The following CIROP variants were observed in gnomAD, a reference collection of about 807,000 sequenced individuals.
CIROP encodes ciliated left-right organizer metallopeptidase, also known as leishmanolysin homolog.
chr14:23,103,431 G>A, the CIROP span: 6 of 451,040 alleles, frequency 1.3e-5, no homozygotes, highest in Non-Finnish European at 2.4e-5. Context: ...GTGCATGCCT[G>A]TAATCCTAGC....
chr14:23,101,591 GTGTT>G, the CIROP span: 122 of 700,652 alleles, frequency 1.7e-4, 2 homozygotes, highest in South Asian at 1.6e-3. Context: ...AAGTAGAATA[GTGTT>G]TGTTCTGATG....
At chr14:23,104,766 G>C in the CIROP span, 1 of 703,048 alleles carries the variant, frequency 1.4e-6, no homozygotes, top group South Asian at 1.5e-5. Context: ...GCTAGGGAGG[G>C]TGAGGGAGGA....
the CIROP span, chr14:23,103,078 G>T: frequency 2.1e-6 from 1 of 477,804 alleles, no homozygotes; most frequent in Non-Finnish European, 3.7e-6. Flanking sequence ...ACAGGGTAGG[G>T]CCAGAAAGGA....
the CIROP span, chr14:23,102,624 T>C: frequency 8.5e-6 from 6 of 703,032 alleles, no homozygotes; most frequent in African/African-American, 8.7e-5. Context: ...ATTCCTCTCA[T>C]TTACCACTGA....
chr14:23,099,556 C>CT, the CIROP span: 2 of 337,886 alleles, frequency 5.9e-6, no homozygotes, highest in Non-Finnish European at 5.3e-6. Context: ...AGCGGCATTA[C>CT]CTTTTTTTTT....
chr14:23,100,597 T>G, the CIROP span: 1 of 402,312 alleles, frequency 2.5e-6, no homozygotes, highest in Non-Finnish European at 4.4e-6. Flanking sequence ...GTGTAGCAAC[T>G]GAAGGCCCTT....
chr14:23,102,184 G>A, the CIROP span: 2 of 703,020 alleles, frequency 2.8e-6, no homozygotes, highest in South Asian at 1.5e-5. Context: ...GTCGAGTCGA[G>A]TGCGCTGGGC....
chr14:23,102,508 G>A, the CIROP span: 2 of 699,226 alleles, frequency 2.9e-6, no homozygotes, highest in African/African-American at 1.7e-5. Context: ...AGGGAAGAAG[G>A]CAGTACGAGG....
At chr14:23,101,926 A>G in the CIROP span, 2 of 701,568 alleles carry the variant, frequency 2.9e-6, no homozygotes, top group African/African-American at 3.5e-5. Context: ...TTGACAGATG[A>G]GAAGGAAAGA....
chr14:23,102,416 T>C, the CIROP span: 2 of 702,968 alleles, frequency 2.8e-6, no homozygotes, highest in Admixed American at 2.0e-5. Context: ...GGCTAACAGC[T>C]GGGGTGGTGA....
the CIROP span, chr14:23,102,144 T>C: frequency 2.8e-6 from 2 of 702,876 alleles, no homozygotes; most frequent in South Asian, 1.5e-5. Context: ...GGTACCAGCC[T>C]GAGTCTTTGA....
the CIROP span, chr14:23,103,587 C>CAAAACAAAAT: frequency 3.2e-6 from 2 of 630,262 alleles, no homozygotes; most frequent in Non-Finnish European, 5.7e-6. Flanking sequence ...CAAAACAAAA[C>CAAAACAAAAT]AAAACTGCTT....
At chr14:23,101,800 C>T in the CIROP span, 1 of 702,758 alleles carries the variant, frequency 1.4e-6, no homozygotes, top group South Asian at 1.5e-5. Context: ...ACACTAGAAT[C>T]ACTGGCAGCC....
At chr14:23,101,888 C>T in the CIROP span, 2 of 702,444 alleles carry the variant, frequency 2.8e-6, no homozygotes, top group Non-Finnish European at 5.2e-6. Flanking sequence ...CATGTGGTCA[C>T]CAAGCCAAAT....
At chr14:23,100,496 T>G in the CIROP span, 5 of 413,344 alleles carry the variant, frequency 1.2e-5, no homozygotes, top group Middle Eastern at 6.2e-4. Flanking sequence ...ACTTGGAATA[T>G]CTTACTTGCT....
At chr14:23,099,226 A>C in the CIROP span, 1 of 413,212 alleles carries the variant, frequency 2.4e-6, no homozygotes, top group African/African-American at 2.1e-5. Context: ...TTTTCCATCC[A>C]GTTGTCTCAC....
At chr14:23,104,920 T>C in the CIROP span, 1 of 678,624 alleles carries the variant, frequency 1.5e-6, no homozygotes, top group Non-Finnish European at 2.7e-6. Flanking sequence ...AGCAGCAGCA[T>C]CTCCCTTCTG....
the CIROP span, chr14:23,102,591 G>T: frequency 1.4e-6 from 1 of 702,928 alleles, no homozygotes; most frequent in Non-Finnish European, 2.6e-6. Context: ...TCCTCTGGTT[G>T]ATGGTGGAAA....
At chr14:23,102,131 C>T in the CIROP span, 1 of 703,048 alleles carries the variant, frequency 1.4e-6, no homozygotes, top group South Asian at 1.5e-5. Flanking sequence ...CTGTGGTTGA[C>T]CTGGTACCAG....
Sources: gnomAD v4.1 joint callset for allele counts on GRCh38, gnomAD v4.1.1 for gene constraint, MANE v1.5 for transcripts, NCBI Gene and HGNC (gene_info 2026-07-23, HGNC 2026-07-21) for gene names.